The following CADPS2 variants were observed in gnomAD, a reference collection of about 807,000 sequenced individuals.
CADPS2 encodes the protein calcium-dependent secretion activator 2.
CADPS2 carries 93 observed loss-of-function variants against 172.5 expected under a neutral mutation model. The observed-to-expected ratio is 0.54, with a 90% CI of 0.46 to 0.64. The LOEUF is 0.64. Among genes scored for constraint, CADPS2 ranks in the 30% least tolerant of loss-of-function variants. The pLI, the probability that CADPS2 is intolerant of heterozygous loss-of-function variation, is 0.00. For missense variants in CADPS2, 1,420 were observed against 1,565.9 expected (o/e 0.91, Z 1.57); for synonymous variants, 546 against 555.2 (o/e 0.98, Z 0.23).
At chr7:122,368,143 T>A (rs2041226847) in intron 25 of CADPS2, 1 of 152,392 alleles carries the variant, frequency 6.6e-6, no homozygotes. Flanking sequence ...CCTCCCAACG[T>A]ACTGGGATTA....
intron 7 of CADPS2, among the ~76,000 whole-genome samples, chr7:122,564,657 C>A (rs2066171515): frequency 6.6e-6 from 1 of 151,904 alleles, no homozygotes; most frequent in Non-Finnish European, 1.5e-5. Flanking sequence ...TCCAGCAATC[C>A]CACTACTAAG....
At chr7:122,622,173 G>C (rs150186715) in intron 4 of CADPS2, among the ~76,000 whole-genome samples, 1 of 152,064 alleles carries the variant, frequency 6.6e-6, no homozygotes, top group Non-Finnish European at 1.5e-5. Context: ...ACAGATATGC[G>C]TTGTTGGAAG....
intron 1 of CADPS2, among the ~76,000 whole-genome samples, chr7:122,869,639 A>C (rs971545680): frequency 6.6e-6 from 1 of 152,100 alleles, no homozygotes; most frequent in Admixed American, 6.6e-5. Flanking sequence ...AAAAATATCA[A>C]ACTCACCGGT....
chr7:122,673,175 G>A (rs1188019640), intron 2 of CADPS2, among the ~76,000 whole-genome samples: 4 of 152,232 alleles, frequency 2.6e-5, no homozygotes, highest in Admixed American at 6.5e-5. Context: ...GACCCAAAGA[G>A]TGAACAGCAG....
intron 25 of CADPS2, among the ~76,000 whole-genome samples, chr7:122,368,593 G>C (rs945505879): frequency 6.6e-6 from 1 of 152,128 alleles, no homozygotes; most frequent in African/African-American, 2.4e-5. Context: ...TAATCAGACT[G>C]ACATCAATGC....
chr7:122,377,022 T>C (rs1375389400), intron 25 of CADPS2, among the ~76,000 whole-genome samples: 1 of 152,172 alleles, frequency 6.6e-6, no homozygotes, highest in Non-Finnish European at 1.5e-5. Context: ...ACTTATTTTA[T>C]ACTTTTCAAC....
intron 2 of CADPS2, among the ~76,000 whole-genome samples, chr7:122,686,523 C>A (rs927642487): frequency 6.6e-6 from 1 of 152,142 alleles, no homozygotes; most frequent in African/African-American, 2.4e-5. Context: ...ATTGCTGCCC[C>A]CTCCTCAAGT....
At chr7:122,325,875 T>C (rs2033734513) in intron 28 of CADPS2, among the ~76,000 whole-genome samples, 1 of 152,082 alleles carries the variant, frequency 6.6e-6, no homozygotes, top group African/African-American at 2.4e-5. Flanking sequence ...TGGCCTGCTT[T>C]GTAATTTGTA....
At chr7:122,493,610 C>G (rs1480284105) in intron 9 of CADPS2, among the ~76,000 whole-genome samples, 1 of 151,992 alleles carries the variant, frequency 6.6e-6, no homozygotes, top group Admixed American at 6.6e-5. Context: ...TGTGGACTTT[C>G]TGGAAGGCAA....
chr7:122,854,496 G>A (rs1199288368), intron 1 of CADPS2, among the ~76,000 whole-genome samples: 1 of 152,184 alleles, frequency 6.6e-6, no homozygotes. Context: ...AGCCACTGAG[G>A]TGTCAACTCA....
At chr7:122,522,025 C>T (rs1205021398) in intron 8 of CADPS2, among the ~76,000 whole-genome samples, 1 of 152,124 alleles carries the variant, frequency 6.6e-6, no homozygotes, top group East Asian at 1.9e-4. Flanking sequence ...GACCATAAAA[C>T]CCCATTCCAC....
At chr7:122,354,752 T>C (rs798690) in intron 27 of CADPS2, among the ~76,000 whole-genome samples, 54,380 of 151,978 alleles carry the variant, frequency 0.36, 10,023 homozygotes, top group East Asian at 0.56. Flanking sequence ...AGTCCAGGTC[T>C]TGCTTTTTCT....
chr7:122,565,364 C>CA (rs2066324455), intron 7 of CADPS2, among the ~76,000 whole-genome samples: 1 of 151,832 alleles, frequency 6.6e-6, no homozygotes, highest in South Asian at 2.1e-4. Flanking sequence ...TTCATATGCT[C>CA]AAAAAATCAA....
intron 8 of CADPS2, among the ~76,000 whole-genome samples, chr7:122,516,324 C>A (rs1356086184): frequency 6.6e-6 from 1 of 152,104 alleles, no homozygotes; most frequent in Non-Finnish European, 1.5e-5. Context: ...TGCTTGAGAA[C>A]AGGAGTTCAA....
chr7:122,706,374 A>C (rs1406938393), intron 2 of CADPS2, among the ~76,000 whole-genome samples: 1 of 103,616 alleles, frequency 9.7e-6, no homozygotes, highest in African/African-American at 3.6e-5. Context: ...TTCAAGGAAT[A>C]TATATATATG....
chr7:122,419,695 C>T (rs920698442), intron 17 of CADPS2, among the ~76,000 whole-genome samples: 1 of 151,944 alleles, frequency 6.6e-6, no homozygotes, highest in African/African-American at 2.4e-5. Context: ...CTATGCCTCC[C>T]ATAAATATTG....
intron 1 of CADPS2, among the ~76,000 whole-genome samples, chr7:122,776,681 G>C (rs368899543): frequency 1.3e-5 from 2 of 152,174 alleles, no homozygotes; most frequent in East Asian, 3.9e-4. Context: ...GGAAAGTTTA[G>C]AATTTCCTAA....
chr7:122,581,129 A>G, intron 7 of CADPS2, 50 bp downstream of exon 7: 1 of 1,323,686 alleles, frequency 7.6e-7, no homozygotes, highest in Non-Finnish European at 1.1e-6. Flanking sequence ...CATGAATCCA[A>G]AGAAGTTAAA....
In CADPS2 at chr7:122,411,602, AGT is replaced by A. The variant is rs1212999433; in HGVS notation, c.2589+2464_2589+2465del. The stretch of plus-strand genomic sequence containing the variant: ...GATGGCTGCCTAAACGAGCAAAAAC[AGT>A]GAGTCTGACTTTGAAATACATTTTG... On this transcript the variant is annotated intron_variant, in intron 19 of 29. Coordinates refer to ENST00000449022, the MANE Select transcript of CADPS2 (RefSeq NM_017954.11). Among the ~76,000 whole-genome samples the A allele has an allele frequency of 5.9e-5, 9 of 152,310 alleles. No individual in the cohort carries two copies. The East Asian group carries it at 1.2e-3, about 20-fold the overall frequency.
Sources: allele counts gnomAD v4.1 joint callset (sites outside exome capture counted in the v4.1 genomes callset), GRCh38; gene constraint gnomAD v4.1.1; transcripts MANE v1.5; gene names NCBI Gene and HGNC (gene_info 2026-07-23, HGNC 2026-07-21).